Variants in CDH13 observed in about 807,000 individuals in gnomAD.
CDH13 encodes cadherin 13, also known as cadherin-13.
In CDH13, 24 loss-of-function variants were observed where a neutral mutation model predicts 63.8. That is an observed-to-expected ratio of 0.38 (90% CI 0.27 to 0.53). CDH13 has a LOEUF of 0.53. Among genes scored for constraint, CDH13 ranks in the 20% least tolerant of loss-of-function variants. CDH13 has a pLI of 0.85. For synonymous variants in CDH13, 503 were observed against 355.3 expected (o/e 1.42, Z -4.67); for missense variants, 1,049 against 903.1 (o/e 1.16, Z -2.07).
At chr16:83,650,139 A>G (rs1237504913) in intron 8 of CDH13, among the ~76,000 whole-genome samples, 1 of 152,126 alleles carries the variant, frequency 6.6e-6, no homozygotes, top group African/African-American at 2.4e-5. Flanking sequence ...ACCAGAATCA[A>G]TGTGTTGCAC....
intron 2 of CDH13, among the ~76,000 whole-genome samples, chr16:82,924,854 T>C (rs1329423489): frequency 1.3e-5 from 2 of 152,166 alleles, no homozygotes; most frequent in Non-Finnish European, 1.5e-5. Flanking sequence ...ATGTTCTCAG[T>C]GCTATTATTA....
chr16:82,654,235 T>G (rs1268983180), intron 1 of CDH13, among the ~76,000 whole-genome samples: 6 of 152,198 alleles, frequency 3.9e-5, no homozygotes, highest in Non-Finnish European at 8.8e-5. Flanking sequence ...TCTCTCTGCC[T>G]GAAACCTCTG....
At chr16:83,005,004 C>T (rs569787783) in intron 2 of CDH13, among the ~76,000 whole-genome samples, 38 of 152,274 alleles carry the variant, frequency 2.5e-4, no homozygotes, top group Admixed American at 1.8e-3. Context: ...TTTTAAAGGA[C>T]ATTGACTAGA....
intron 8 of CDH13, among the ~76,000 whole-genome samples, chr16:83,616,793 A>C (rs982912318): frequency 1.3e-5 from 2 of 152,162 alleles, no homozygotes; most frequent in Non-Finnish European, 2.9e-5. Context: ...TTTAGAAGTA[A>C]GATCATGGGT....
intron 3 of CDH13, among the ~76,000 whole-genome samples, chr16:83,084,230 G>A (rs1376594874): frequency 6.6e-6 from 1 of 152,236 alleles, no homozygotes; most frequent in African/African-American, 2.4e-5. Flanking sequence ...TGAGGAAAAA[G>A]TGTGTGACTG....
intron 6 of CDH13, among the ~76,000 whole-genome samples, chr16:83,406,503 G>T (rs148744781): frequency 2.0e-5 from 3 of 146,606 alleles, no homozygotes; most frequent in African/African-American, 7.6e-5. Context: ...TTGCTTCATC[G>T]CCCAGGCTGG....
At chr16:83,426,450 C>G (rs1189277127) in intron 6 of CDH13, among the ~76,000 whole-genome samples, 3 of 151,968 alleles carry the variant, frequency 2.0e-5, no homozygotes, top group African/African-American at 7.3e-5. Context: ...TCCTCCTGGA[C>G]CATAACCTTT....
intron 7 of CDH13, among the ~76,000 whole-genome samples, chr16:83,488,827 A>G (rs550121279): frequency 7.0e-4 from 106 of 152,092 alleles, no homozygotes; most frequent in African/African-American, 2.4e-3. Flanking sequence ...GTTTCACTAT[A>G]TTGGTCAGGC....
intron 1 of CDH13, among the ~76,000 whole-genome samples, chr16:82,674,575 T>C (rs1913677091): frequency 6.6e-6 from 1 of 152,208 alleles, no homozygotes; most frequent in African/African-American, 2.4e-5. Flanking sequence ...ACCTGAGAAG[T>C]CCTTGGATCA....
intron 2 of CDH13, among the ~76,000 whole-genome samples, chr16:82,928,528 C>T (rs1170412604): frequency 2.0e-5 from 3 of 152,212 alleles, no homozygotes; most frequent in Non-Finnish European, 4.4e-5. Flanking sequence ...TACTCAATAT[C>T]TGCCAATCCT....
chr16:83,017,685 T>C (rs1914939780), intron 2 of CDH13, among the ~76,000 whole-genome samples: 1 of 152,190 alleles, frequency 6.6e-6, no homozygotes, highest in Non-Finnish European at 1.5e-5. Context: ...AAACATGAAA[T>C]ACTATTAGGG....
intron 1 of CDH13, among the ~76,000 whole-genome samples, chr16:82,639,146 CATT>C (rs1909068384): frequency 6.6e-6 from 1 of 152,138 alleles, no homozygotes; most frequent in African/African-American, 2.4e-5. Context: ...CCACTCCCCT[CATT>C]ATATAAAAAT....
Position 82,833,566 on chromosome 16 carries a change from C to G in CDH13, c.46-24796C>G, listed in dbSNP as rs964832978. 1.8e-4 allele frequency among the ~76,000 whole-genome samples: 28 copies of G among 152,358 alleles called. No homozygotes were observed. The Middle Eastern group carries it at 0.017, about 93-fold the overall frequency. ...TGCTTCCCTTCTGGACCTCCCTTAA[C>G]CATTCCAGGGCTTTCCATTGCTTGT... On this transcript the variant is annotated intron_variant, in intron 1 of 13. Transcript: ENST00000567109.
chr16:82,740,918 G>C (rs1597449476), intron 1 of CDH13, among the ~76,000 whole-genome samples: 2 of 152,088 alleles, frequency 1.3e-5, no homozygotes, highest in South Asian at 4.1e-4. Flanking sequence ...TTGTTTTAGG[G>C]TTTATATAAA....
chr16:83,653,304 G>A (rs1324199124), intron 8 of CDH13, among the ~76,000 whole-genome samples: 1 of 152,304 alleles, frequency 6.6e-6, no homozygotes, highest in African/African-American at 2.4e-5. Flanking sequence ...TTTTTGGTAT[G>A]TGAATCATAG....
chr16:83,584,187 C>T (rs997129345), intron 7 of CDH13, among the ~76,000 whole-genome samples: 2 of 151,992 alleles, frequency 1.3e-5, no homozygotes, highest in African/African-American at 4.8e-5. Context: ...AAAAATTAGC[C>T]GGGCATAGTG....
intron 5 of CDH13, among the ~76,000 whole-genome samples, chr16:83,301,481 G>A (rs1431735209): frequency 2.0e-5 from 3 of 152,028 alleles, no homozygotes; most frequent in African/African-American, 4.8e-5. Flanking sequence ...TTTTCTCTCC[G>A]TGATGCTGCC....
chr16:83,166,055 C>T (rs899142053), intron 4 of CDH13, among the ~76,000 whole-genome samples: 2 of 152,124 alleles, frequency 1.3e-5, no homozygotes, highest in Admixed American at 1.3e-4. Context: ...ATAGAACCTT[C>T]CTCAGTCAGA....
At chr16:82,655,696 A>AT (rs1158997558) in intron 1 of CDH13, among the ~76,000 whole-genome samples, 2 of 152,064 alleles carry the variant, frequency 1.3e-5, no homozygotes, top group South Asian at 2.1e-4. Flanking sequence ...TCCACAGGCT[A>AT]TTTTTTTCTT....
Sources: gnomAD v4.1 joint callset for allele counts (sites outside exome capture counted in the v4.1 genomes callset) on GRCh38, gnomAD v4.1.1 for gene constraint, MANE v1.5 for transcripts, NCBI Gene and HGNC (gene_info 2026-07-23, HGNC 2026-07-21) for gene names.